The following PTPRN2 variants were observed in gnomAD, a reference collection of about 807,000 sequenced individuals.
PTPRN2 encodes receptor-type tyrosine-protein phosphatase N2.
Under a neutral mutation model 118.8 loss-of-function variants are expected in PTPRN2, and 74 were observed. The ratio of observed to expected loss-of-function variants is 0.62; its 90% CI spans 0.52 to 0.76. The LOEUF (loss-of-function observed/expected upper bound fraction) is 0.76, where lower values mean the gene tolerates loss of function less well. PTPRN2 is among the 30% of genes least tolerant of loss of function. The pLI, the probability that PTPRN2 is intolerant of heterozygous loss-of-function variation, is 0.00. For missense variants in PTPRN2, 1,481 were observed against 1,394.4 expected, an observed-to-expected ratio of 1.06 and a Z score of -0.99; for synonymous variants, 641 against 608.0, an observed-to-expected ratio of 1.05 and a Z score of -0.80.
chr7:157,547,813 C>T lies in PTPRN2; in HGVS notation c.2976+1133G>A, dbSNP rs112515887. 3.9e-5 allele frequency among the ~76,000 whole-genome samples: 6 copies of T among 152,306 alleles called. No homozygotes were observed. The South Asian group carries it at 6.2e-4, about 16-fold the overall frequency. On this transcript the variant is annotated intron_variant, in intron 22 of 22. Transcript: ENST00000389418. The stretch of plus-strand genomic sequence containing the variant: ...ACGTGGGACACGCCTAGACAAGAGA[C>T]GTTCCACAAAGAGCAAGGCCGCTGG...
At position 157,618,236 on chromosome 7, in the gene PTPRN2, G is replaced by A. The variant is rs565243275; in HGVS notation, c.2344+3126C>T. The stretch of plus-strand genomic sequence containing the variant: ...CATGAGAGAAGGGAGGGGTGGTCCC[G>A]AGGACCCTTTCCATAGACCTGGGAG... On this transcript the variant is annotated intron_variant, in intron 15 of 22. Transcript: ENST00000389418. This position sits in a 1 kb window ranked among gnomAD's most constrained non-coding sequence, Gnocchi z 4.2. 1 of 152,406 alleles carries A rather than the reference G, an allele frequency of 6.6e-6. No individual in the cohort carries two copies. The highest frequency in any genetic ancestry group is 2.1e-4 in the South Asian group (1 of 4,826). The allele number at this position is 152,406 out of a possible 1,614,324, so 9.4% of individuals were successfully genotyped here.
At chr7:158,405,788 G>A (rs1563252214) in intron 2 of PTPRN2, among the ~76,000 whole-genome samples, 1 of 152,142 alleles carries the variant, frequency 6.6e-6, no homozygotes, top group East Asian at 1.9e-4. Context: ...GCTTATCCAT[G>A]CATGTGGCCG....
At chr7:158,387,453 T>G (rs923139159) in intron 2 of PTPRN2, among the ~76,000 whole-genome samples, 3 of 7,874 alleles carry the variant, frequency 3.8e-4, no homozygotes, top group African/African-American at 1.3e-3. Flanking sequence ...ACAACTCTTG[T>G]TTTGTAAGAC....
At chr7:158,208,978 T>C (rs1485566962) in intron 3 of PTPRN2, among the ~76,000 whole-genome samples, 1 of 152,156 alleles carries the variant, frequency 6.6e-6, no homozygotes, top group African/African-American at 2.4e-5. Flanking sequence ...TAAGTTGTCA[T>C]CCGTTTAAAA....
chr7:158,180,181 T>C (rs1242866189), intron 5 of PTPRN2, among the ~76,000 whole-genome samples: 2 of 152,250 alleles, frequency 1.3e-5, no homozygotes, highest in East Asian at 1.9e-4. Context: ...TCCAGTTTCA[T>C]TCTTCTACAT....
At chr7:157,833,310 T>C (rs1262368880) in intron 12 of PTPRN2, among the ~76,000 whole-genome samples, 1 of 149,200 alleles carries the variant, frequency 6.7e-6, no homozygotes, top group African/African-American at 2.5e-5. Context: ...CCATCCTGTA[T>C]GACGGTGAAC....
chr7:158,341,575 A>C, intron 2 of PTPRN2, among the ~76,000 whole-genome samples: 1 of 101,120 alleles, frequency 9.9e-6, no homozygotes, highest in Non-Finnish European at 2.1e-5. Flanking sequence ...CCACACTCTC[A>C]CCATAAGAGG....
At chr7:158,300,854 T>C (rs1800841342) in intron 3 of PTPRN2, among the ~76,000 whole-genome samples, 1 of 150,806 alleles carries the variant, frequency 6.6e-6, no homozygotes, top group African/African-American at 2.4e-5. Context: ...ACAGGGGCTG[T>C]TTCATGAAGG....
intron 11 of PTPRN2, among the ~76,000 whole-genome samples, chr7:158,037,729 A>G (rs1808184234): frequency 3.3e-5 from 5 of 152,236 alleles, no homozygotes; most frequent in Admixed American, 2.6e-4. Context: ...AAATTCAACA[A>G]AAAACCCAAT....
At position 157,695,692 on chromosome 7, in the gene PTPRN2, T is replaced by C. The variant is rs529956858; in HGVS notation, c.1789-12755A>G. Among the ~76,000 whole-genome samples the C allele has an allele frequency of 3.9e-4, 60 of 152,376 alleles. No homozygotes were observed. In the South Asian group the frequency reaches 0.01, roughly 26 times the overall value. On this transcript the variant is annotated intron_variant, in intron 12 of 22. Coordinates refer to ENST00000389418, the MANE Select transcript of PTPRN2 (RefSeq NM_002847.5). ...ATATGGATGACTCTGAGTTGAAATG[T>C]ATTAACCACCAGTAGTTATTTTTTC...
intron 2 of PTPRN2, among the ~76,000 whole-genome samples, chr7:158,447,347 G>A (rs1171435297): frequency 6.6e-6 from 1 of 152,176 alleles, no homozygotes. Flanking sequence ...CTAATTGGCT[G>A]TATAAATTCC....
intron 3 of PTPRN2, among the ~76,000 whole-genome samples, chr7:158,305,969 A>G (rs761794194): frequency 4.6e-5 from 7 of 152,188 alleles, no homozygotes; most frequent in Non-Finnish European, 7.3e-5. Context: ...GGAAGCCACC[A>G]GAAAGCACAG....
chr7:158,490,408 C>T (rs1325427458), intron 1 of PTPRN2, among the ~76,000 whole-genome samples: 1 of 152,214 alleles, frequency 6.6e-6, no homozygotes, highest in East Asian at 1.9e-4. Context: ...GGCAGCGCCT[C>T]AGTCCCCACC....
Position 158,292,025 on chromosome 7 carries a change from T to G in PTPRN2, c.277+24794A>C, listed in dbSNP as rs948990935. On this transcript the variant is annotated intron_variant, in intron 3 of 22. Transcript: ENST00000389418. ...TGAATTATTTCAAAGAATAAAAGCC[T>G]GATTGTCTCCATGACCTGTCTAGCT... 2.6e-5 allele frequency among the ~76,000 whole-genome samples: 4 copies of G among 152,352 alleles called. No individual in the cohort carries two copies. In the South Asian group the frequency reaches 8.3e-4, roughly 32 times the overall value.
chr7:158,212,563 A>G (rs1219034616), intron 3 of PTPRN2, among the ~76,000 whole-genome samples: 1 of 152,206 alleles, frequency 6.6e-6, no homozygotes, highest in East Asian at 1.9e-4. Flanking sequence ...ATGGGTGCTG[A>G]CTATGGCTAG....
chr7:158,094,379 G>T (rs546516577), intron 10 of PTPRN2, among the ~76,000 whole-genome samples: 46 of 152,098 alleles, frequency 3.0e-4, no homozygotes, highest in Middle Eastern at 3.4e-3. Flanking sequence ...GCGTGATCTC[G>T]GCTCACTGCA....
In PTPRN2 at chr7:157,751,738, C is replaced by T. The variant is rs551636527; in HGVS notation, c.1789-68801G>A. ...ATCAAGGCTGATGGAGCCGCGCGCA[C>T]AGAATCCCAACTGCCCGCACCCTTT... On this transcript the variant is annotated intron_variant, in intron 12 of 22. Transcript: ENST00000389418. Among the ~76,000 whole-genome samples the T allele has an allele frequency of 3.4e-4, 52 of 152,022 alleles. No individual in the cohort carries two copies. The South Asian group carries it at 0.011, about 32-fold the overall frequency.
chr7:158,452,877 G>C (rs1216203205), intron 2 of PTPRN2, among the ~76,000 whole-genome samples: 3 of 152,214 alleles, frequency 2.0e-5, no homozygotes, highest in African/African-American at 7.2e-5. Flanking sequence ...GTAACACGGG[G>C]TCTTACTCTG....
intron 9 of PTPRN2, among the ~76,000 whole-genome samples, chr7:158,132,774 AAC>A (rs1488282652): frequency 6.0e-5 from 9 of 150,910 alleles, no homozygotes; most frequent in South Asian, 2.1e-4. Context: ...ACATCTACCC[AAC>A]ACACACTCAT....
Sources: gnomAD v4.1 joint callset for allele counts (sites outside exome capture counted in the v4.1 genomes callset) on GRCh38, gnomAD v4.1.1 for gene constraint, Gnocchi (gnomAD v3.1) non-coding constraint, MANE v1.5 for transcripts, NCBI Gene and HGNC (gene_info 2026-07-23, HGNC 2026-07-21) for gene names.